Variants in EXOC4 observed in about 807,000 individuals in gnomAD.
EXOC4 encodes the protein SEC8-like 1.
In EXOC4, 71 loss-of-function variants were observed where a neutral mutation model predicts 107.2. The observed-to-expected ratio is 0.66, with a 90% CI of 0.55 to 0.81. The LOEUF is 0.81. EXOC4 is among the 30% of genes least tolerant of loss of function. EXOC4 has a pLI of 0.00. For missense variants in EXOC4, 1,108 were observed against 1,189.6 expected, an observed-to-expected ratio of 0.93 and a Z score of 1.01; for synonymous variants, 456 against 441.2, an observed-to-expected ratio of 1.03 and a Z score of -0.42.
Position 133,576,720 on chromosome 7 carries a change from A to G in EXOC4, c.1418-53325A>G, listed in dbSNP as rs1165329494. The G allele has an allele frequency of 9.3e-6, 12 of 1,289,812 alleles. No homozygotes were observed. In the Admixed American group the frequency reaches 2.5e-4, roughly 27 times the overall value. The allele number at this position is 1,289,812 out of a possible 1,614,324, so 79.9% of individuals were successfully genotyped here. ...ATCTCAATGAAGACTTGTTGCCAAC[A>G]TGGAGATAGAGGATATTGGTCTACA... On this transcript the variant is annotated intron_variant, in intron 9 of 17. Transcript: ENST00000253861.
chr7:133,720,100 C>T (rs763107173), intron 10 of EXOC4, among the ~76,000 whole-genome samples: 1 of 152,124 alleles, frequency 6.6e-6, no homozygotes, highest in South Asian at 2.1e-4. Context: ...GTTCCTATCT[C>T]GTTAACTAGA....
rs1799435904 is a variant in EXOC4 at position 133,494,522 on chromosome 7, G to A, written c.1417+14384G>A. On this transcript the variant is annotated intron_variant, in intron 9 of 17. Transcript: ENST00000253861. Reference sequence around the variant, plus strand: ...ATTATCTACCATTTCTAGATTATAGGAATGTTATTGAGGACCATTAACTCC... The same window carrying A: ...ATTATCTACCATTTCTAGATTATAGAAATGTTATTGAGGACCATTAACTCC... Among the ~76,000 whole-genome samples the A allele has an allele frequency of 2.0e-5, 3 of 152,314 alleles. No individual in the cohort carries two copies. In the South Asian group the frequency reaches 6.2e-4, roughly 32 times the overall value.
At chr7:133,443,839 A>G (rs1798158660) in intron 7 of EXOC4, among the ~76,000 whole-genome samples, 1 of 152,170 alleles carries the variant, frequency 6.6e-6, no homozygotes, top group African/African-American at 2.4e-5. Context: ...GTTGGCTTCT[A>G]TACACAAAAA....
chr7:133,629,663 C>T (rs1042203531), intron 9 of EXOC4, among the ~76,000 whole-genome samples: 1 of 151,972 alleles, frequency 6.6e-6, no homozygotes, highest in Non-Finnish European at 1.5e-5. Context: ...GCCTCAACCT[C>T]CCAAGTAGCT....
chr7:133,728,500 G>T (rs1433674916), intron 10 of EXOC4, among the ~76,000 whole-genome samples: 1 of 152,116 alleles, frequency 6.6e-6, no homozygotes, highest in African/African-American at 2.4e-5. Flanking sequence ...GTCTTTCCTT[G>T]TTAGATTTAA....
At chr7:133,749,008 T>G (rs1163676669) in intron 10 of EXOC4, among the ~76,000 whole-genome samples, 1 of 152,160 alleles carries the variant, frequency 6.6e-6, no homozygotes, top group Admixed American at 6.5e-5. Context: ...GATAAGTACT[T>G]GGCTTCAAGG....
intron 9 of EXOC4, among the ~76,000 whole-genome samples, chr7:133,502,911 T>A (rs918573796): frequency 6.6e-6 from 1 of 152,176 alleles, no homozygotes. Flanking sequence ...ATTCAGTAGA[T>A]TCTAAGATTT....
intron 10 of EXOC4, among the ~76,000 whole-genome samples, chr7:133,740,803 A>AT (rs764734808): frequency 3.3e-5 from 5 of 152,148 alleles, no homozygotes; most frequent in Non-Finnish European, 5.9e-5. Context: ...TGATGGCCCC[A>AT]TTAGATAGTA....
intron 11 of EXOC4, among the ~76,000 whole-genome samples, chr7:133,830,571 G>C (rs1797788494): frequency 6.6e-6 from 1 of 152,166 alleles, no homozygotes; most frequent in African/African-American, 2.4e-5. Flanking sequence ...GCAAACCTCT[G>C]TTGTTTGCCA....
At chr7:133,347,333 T>C (rs1429800276) in intron 5 of EXOC4, among the ~76,000 whole-genome samples, 1 of 150,968 alleles carries the variant, frequency 6.6e-6, no homozygotes, top group Non-Finnish European at 1.5e-5. Flanking sequence ...AACCTCCGCC[T>C]CCTGGGTTCA....
At chr7:133,958,169 G>A (rs142897985) in intron 14 of EXOC4, among the ~76,000 whole-genome samples, 1 of 152,164 alleles carries the variant, frequency 6.6e-6, no homozygotes, top group East Asian at 1.9e-4. Flanking sequence ...TCCAGTGAGG[G>A]CCTGAAATCT....
At chr7:133,283,564 T>A (rs1441623707) in intron 2 of EXOC4, among the ~76,000 whole-genome samples, 4 of 152,360 alleles carry the variant, frequency 2.6e-5, no homozygotes, top group African/African-American at 9.6e-5. Flanking sequence ...ATGGTAGTTC[T>A]ATTTTTTAAT....
the EXOC4 span, among the ~76,000 whole-genome samples, chr7:134,090,838 G>C: frequency 6.6e-6 from 1 of 152,022 alleles, no homozygotes; most frequent in African/African-American, 2.4e-5. Context: ...ATAGCAGTTA[G>C]CATCCCATAG....
rs891074284 is a variant in EXOC4, at chr7:134,065,347, C to T, written c.*819C>T. 1 of 152,036 alleles carries T rather than the reference C, an allele frequency of 6.6e-6. No individual in the cohort carries two copies. Among genetic ancestry groups the T allele is most frequent in the African/African-American group, 2.4e-5 (1 of 41,482 alleles). The allele number at this position is 152,036 out of a possible 1,614,324, so 9.4% of individuals were successfully genotyped here. On this transcript the variant is annotated 3_prime_UTR_variant, in exon 18 of 18. Coordinates refer to ENST00000253861, the MANE Select transcript of EXOC4 (RefSeq NM_021807.4). ...AGAGAACATTGCATCTCACTTGAAA[C>T]ATCCTTTGGGGGTAAATGATTCTTA...
chr7:133,264,862 T>C (rs912146989), intron 1 of EXOC4, among the ~76,000 whole-genome samples: 1 of 152,238 alleles, frequency 6.6e-6, no homozygotes, highest in African/African-American at 2.4e-5. Context: ...AGTTTGTACT[T>C]TCACTCTATT....
intron 10 of EXOC4, among the ~76,000 whole-genome samples, chr7:133,769,088 A>G (rs1192493067): frequency 6.6e-6 from 1 of 151,898 alleles, no homozygotes; most frequent in African/African-American, 2.4e-5. Flanking sequence ...ATCTTCATTG[A>G]GTGTTTATCA....
chr7:133,709,347 C>A (rs114698974), intron 10 of EXOC4, among the ~76,000 whole-genome samples: 2,028 of 152,280 alleles, frequency 0.013, 41 homozygotes, highest in African/African-American at 0.046. Context: ...ACAGACCAGT[C>A]AGCTACAGTG....
chr7:134,010,931 C>T (rs1000467979), intron 17 of EXOC4, among the ~76,000 whole-genome samples: 2 of 151,838 alleles, frequency 1.3e-5, no homozygotes, highest in African/African-American at 4.9e-5. Context: ...CACCTTCCCT[C>T]TAACTAATCT....
At chr7:134,036,519 T>C (rs978835044) in intron 17 of EXOC4, among the ~76,000 whole-genome samples, 6 of 152,072 alleles carry the variant, frequency 3.9e-5, no homozygotes, top group African/African-American at 1.4e-4. Context: ...GCCTGGGAGG[T>C]TGAGGCTGCA....
Sources: allele counts gnomAD v4.1 joint callset (sites outside exome capture counted in the v4.1 genomes callset), GRCh38; gene constraint gnomAD v4.1.1; transcripts MANE v1.5; gene names NCBI Gene and HGNC (gene_info 2026-07-23, HGNC 2026-07-21).